WDR12: variants seen among roughly 807,000 people sequenced by gnomAD.
The protein encoded by WDR12 is ribosome biogenesis protein WDR12.
In WDR12, 42 loss-of-function variants were observed where a neutral mutation model predicts 64.3. The observed-to-expected ratio is 0.65, with a 90% CI of 0.51 to 0.84. WDR12 has a LOEUF of 0.84. Ranked by LOEUF, WDR12 falls within the 40% of genes least tolerant of loss-of-function variation. WDR12 has a pLI of 0.00. For missense variants in WDR12, 469 were observed against 494.6 expected, an observed-to-expected ratio of 0.95 and a Z score of 0.49; for synonymous variants, 158 against 173.3, an observed-to-expected ratio of 0.91 and a Z score of 0.70.
intron 5 of WDR12, 121 bp from the exon 6 acceptor site, chr2:202,896,340 C>T: frequency 9.1e-7 from 1 of 1,095,842 alleles, no homozygotes; most frequent in East Asian, 2.6e-5. Flanking sequence ...AAAAAGATAA[C>T]TCATATGGCC....
intron 8 of WDR12, among the ~76,000 whole-genome samples, chr2:202,888,047 A>G (rs1054943790): frequency 6.6e-6 from 1 of 152,232 alleles, no homozygotes; most frequent in African/African-American, 2.4e-5. Flanking sequence ...TTTTACTTAT[A>G]ACTGCCAAAC....
chr2:202,885,922 TGACACATGACTATA>T (rs1041907514), intron 8 of WDR12, among the ~76,000 whole-genome samples: 2 of 151,982 alleles, frequency 1.3e-5, no homozygotes, highest in African/African-American at 2.4e-5. Flanking sequence ...CTGGGCTTAA[TGACACATGACTATA>T]GTCATATCTA....
chr2:202,893,018 G>T (rs1380497173), intron 7 of WDR12, among the ~76,000 whole-genome samples: 4 of 152,004 alleles, frequency 2.6e-5, no homozygotes, highest in African/African-American at 4.8e-5. Context: ...CTTACTGTTA[G>T]TTGTAGGAGA....
chr2:202,877,473 C>A lies in WDR12; in HGVS notation c.*3387G>T, dbSNP rs1437764542. The stretch of plus-strand genomic sequence containing the variant: ...GACCAGCATGGGCTACATGGCGAAA[C>A]CCTCTCTCTACAAAAAAAGTAATAA... On this transcript the variant is annotated 3_prime_UTR_variant, in exon 13 of 13. Coordinates refer to ENST00000261015, the MANE Select transcript of WDR12 (RefSeq NM_018256.4). 1 of 151,582 alleles carries A rather than the reference C, an allele frequency of 6.6e-6. No homozygotes were observed. The highest frequency in any genetic ancestry group is 6.6e-5 in the Admixed American group (1 of 15,196). 9.4% of individuals were successfully genotyped at this position (151,582 alleles called of 1,614,324 possible). A position where few individuals can be genotyped will look rare whatever the true frequency, so the allele number is the denominator to read the frequency against.
rs1687916416 is a variant in WDR12 at position 202,879,626 on chromosome 2, T to A, written c.*1234A>T. ...TTTTTTTTTTTAGTAGAGACAAAGT[T>A]TCACCATGTTGGTCAGGCTGGTCTC... On this transcript the variant is annotated 3_prime_UTR_variant, in exon 13 of 13. Coordinates refer to ENST00000261015, the MANE Select transcript of WDR12 (RefSeq NM_018256.4). The A allele has an allele frequency of 6.6e-6, 1 of 151,716 alleles. No individual in the cohort carries two copies. The highest frequency in any genetic ancestry group is 1.5e-5 in the Non-Finnish European group (1 of 67,982). The allele number at this position is 151,716 out of a possible 1,614,324, so 9.4% of individuals were successfully genotyped here. A position where few individuals can be genotyped will look rare whatever the true frequency, so the allele number is the denominator to read the frequency against.
intron 8 of WDR12, among the ~76,000 whole-genome samples, chr2:202,890,996 TAAAAA>T (rs71030997): frequency 1.8e-5 from 2 of 111,178 alleles, no homozygotes; most frequent in Admixed American, 2.1e-4. Context: ...TTTGTCTCTT[TAAAAA>T]AAAAAAAAAA....
chr2:202,892,740 A>G (rs1688176231), intron 7 of WDR12, 38 bp from the exon 8 acceptor site: 2 of 1,477,562 alleles, frequency 1.4e-6, no homozygotes, highest in East Asian at 4.6e-5. Context: ...TTTTAAAAAC[A>G]GTATTAATCG....
rs542664508 is a variant in WDR12, at chr2:202,894,092, T to C, written c.655+489A>G. Among the ~76,000 whole-genome samples the C allele has an allele frequency of 2.4e-4, 37 of 152,206 alleles. No homozygotes were observed. In the South Asian group the frequency reaches 7.5e-3, roughly 31 times the overall value. On this transcript the variant is annotated intron_variant, in intron 7 of 12. Coordinates refer to ENST00000261015, the MANE Select transcript of WDR12 (RefSeq NM_018256.4). ...TACTTGCAATTCAGTGACACTATCC[T>C]GTAAGTAAGGGGGTGGTGGGGTAGG...
chr2:202,880,947 A>T lies in WDR12; in HGVS notation c.1195-10T>A. 1.9e-6 allele frequency: 3 copies of T among 1,595,386 alleles called. No individual in the cohort carries two copies. Among genetic ancestry groups the T allele is most frequent in the Non-Finnish European group, 2.6e-6 (3 of 1,171,828 alleles). On this transcript the variant is annotated splice_polypyrimidine_tract_variant and intron_variant, in intron 12 of 12. Coordinates refer to ENST00000261015, the MANE Select transcript of WDR12 (RefSeq NM_018256.4). ...CTCCACTCAGAAGTAGCTGTGTAAA[A>T]GGAGAGAAAAAGACAAGAAAACATA...
rs992330229 is a variant in WDR12 at position 202,910,636 on chromosome 2, G to A, written c.41+800C>T. ...TAAAAAACACAGTGGTTATGTTAATGCATCACCACATTCCTAGAGAAGTAT... is the reference window on the plus strand; with the variant it reads ...TAAAAAACACAGTGGTTATGTTAATACATCACCACATTCCTAGAGAAGTAT... On this transcript the variant is annotated intron_variant, in intron 1 of 12. Transcript: ENST00000261015. 2.0e-5 allele frequency among the ~76,000 whole-genome samples: 3 copies of A among 152,182 alleles called. No individual in the cohort carries two copies. In the South Asian group the frequency reaches 6.2e-4, roughly 31 times the overall value.
chr2:202,898,510 G>A (rs1688292588), intron 4 of WDR12, among the ~76,000 whole-genome samples: 1 of 152,120 alleles, frequency 6.6e-6, no homozygotes, highest in Non-Finnish European at 1.5e-5. Context: ...AGTAAAACTA[G>A]GAGAAATATA....
intron 1 of WDR12, among the ~76,000 whole-genome samples, chr2:202,908,165 A>G (rs1202820335): frequency 6.6e-6 from 1 of 152,228 alleles, no homozygotes; most frequent in Non-Finnish European, 1.5e-5. Context: ...GAAGTTATAT[A>G]AGAACAATGC....
Position 202,909,696 on chromosome 2 carries a change from TTGTG to T in WDR12, c.41+1736_42-1738del, listed in dbSNP as rs556080562. Among the ~76,000 whole-genome samples, 73 of 152,014 alleles carry T rather than the reference TTGTG, an allele frequency of 4.8e-4. No individual in the cohort carries two copies. The East Asian group carries it at 0.014, about 28-fold the overall frequency. On this transcript the variant is annotated intron_variant, in intron 1 of 12. Transcript: ENST00000261015. ...ATATAATTCACATATATGTATATTC[TTGTG>T]TGTGTGTGTGACAATTATATTAGCC...
Position 202,878,341 on chromosome 2 carries a change from T to C in WDR12, c.*2519A>G, listed in dbSNP as rs576462504. ...GCCCTTAAGGATCATTTGAAGACCA[T>C]CCAAAACAGGACTAGGAATTCATCT... On this transcript the variant is annotated 3_prime_UTR_variant, in exon 13 of 13. Coordinates refer to ENST00000261015, the MANE Select transcript of WDR12 (RefSeq NM_018256.4). The C allele has an allele frequency of 1.3e-5, 2 of 152,218 alleles. No homozygotes were observed. The highest frequency in any genetic ancestry group is 2.4e-5 in the African/African-American group (1 of 41,520). The allele number at this position is 152,218 out of a possible 1,614,324, so 9.4% of individuals were successfully genotyped here.
At position 202,907,883 on chromosome 2, in the gene WDR12, G is replaced by A; in HGVS notation, c.118C>T (p.Leu40=). 6.2e-7 allele frequency: 1 copy of A among 1,613,782 alleles called. No homozygotes were observed. Among genetic ancestry groups the A allele is most frequent in the Non-Finnish European group, 8.5e-7 (1 of 1,179,776 alleles). The change falls in exon 2 of 13, where the codon CTA becomes TTA. Residue 40 remains leucine, a synonymous_variant. Coordinates refer to ENST00000261015, the MANE Select transcript of WDR12 (RefSeq NM_018256.4). The part of the protein sequence containing the change: ...IADLSNIINK[L]LKDKNEFHKH... ...TACCCACCATTTTTGTCCTTTAGTA[G>A]TTTATTGATGATGTTACTAAGGTCG...
chr2:202,888,596 G>A (rs889715306), intron 8 of WDR12, among the ~76,000 whole-genome samples: 2 of 152,192 alleles, frequency 1.3e-5, no homozygotes, highest in African/African-American at 2.4e-5. Context: ...ACAGGTAAAT[G>A]AACTGGCAGC....
At position 202,903,446 on chromosome 2, in the gene WDR12, TGGAAGGAAGGAAGGAAGGAAGGAA is replaced by T. The variant is rs150739013; in HGVS notation, c.137-2351_137-2328del. ...GGAAGTCCTAGCTAGAGCAATCAGATGGAAGGAAGGAAGGAAGGAAGGAAGGAAGGAAGGAAGGAAGGAAGGAAG... is the reference window on the plus strand; with the variant it reads ...GGAAGTCCTAGCTAGAGCAATCAGATGGAAGGAAGGAAGGAAGGAAGGAAG... On this transcript the variant is annotated intron_variant, in intron 2 of 12. Coordinates refer to ENST00000261015, the MANE Select transcript of WDR12 (RefSeq NM_018256.4). 2.3e-3 allele frequency among the ~76,000 whole-genome samples: 219 copies of T among 97,268 alleles called. 1 individual carries two copies. Among genetic ancestry groups the T allele is most frequent in the South Asian group, 7.6e-3 (17 of 2,236 alleles). 63.8% of individuals were successfully genotyped at this position (97,268 alleles called of 152,430 possible).
At chr2:202,885,812 C>T (rs992623106) in intron 8 of WDR12, among the ~76,000 whole-genome samples, 2 of 152,090 alleles carry the variant, frequency 1.3e-5, no homozygotes, top group Non-Finnish European at 2.9e-5. Flanking sequence ...GTAGTCTCAA[C>T]GCTTTGGGAG....
At chr2:202,897,916 TATATATATAAAAA>T (rs1223890542) in intron 4 of WDR12, among the ~76,000 whole-genome samples, 3 of 123,036 alleles carry the variant, frequency 2.4e-5, no homozygotes, top group Non-Finnish European at 3.6e-5. Context: ...AAAATATATA[TATATATATAAAAA>T]ATATATATCA....
Sources: allele counts gnomAD v4.1 joint callset (sites outside exome capture counted in the v4.1 genomes callset), GRCh38; gene constraint gnomAD v4.1.1; transcripts MANE v1.5; gene names NCBI Gene and HGNC (gene_info 2026-07-23, HGNC 2026-07-21).